ANKRD55: variants seen among roughly 807,000 people sequenced by gnomAD.
ANKRD55 encodes ankyrin repeat domain 55, also known as ankyrin repeat domain-containing protein 55.
A neutral mutation model predicts 60.6 loss-of-function variants in ANKRD55; 41 were observed. The observed-to-expected ratio is 0.68, with a 90% CI of 0.53 to 0.88. The LOEUF is 0.88. Among genes scored for constraint, ANKRD55 ranks in the 40% least tolerant of loss-of-function variants. The pLI, the probability that ANKRD55 is intolerant of heterozygous loss-of-function variation, is 0.00. For missense variants in ANKRD55, 732 were observed against 767.6 expected, an observed-to-expected ratio of 0.95 and a Z score of 0.55; for synonymous variants, 264 against 290.3, an observed-to-expected ratio of 0.91 and a Z score of 0.92.
intron 5 of ANKRD55, among the ~76,000 whole-genome samples, chr5:56,165,182 A>G (rs1758418327): frequency 6.6e-6 from 1 of 152,226 alleles, no homozygotes; most frequent in Non-Finnish European, 1.5e-5. Context: ...TGGCCTGTAC[A>G]TACTGTTTAT....
chr5:56,229,777 C>T (rs73118090), intron 2 of ANKRD55, among the ~76,000 whole-genome samples: 3,800 of 152,330 alleles, frequency 0.025, 163 homozygotes, highest in African/African-American at 0.085. Flanking sequence ...AGAGTCAGTG[C>T]TAGGCCAGGG....
At chr5:56,217,757 G>T (rs193176320) in intron 2 of ANKRD55, among the ~76,000 whole-genome samples, 1 of 152,044 alleles carries the variant, frequency 6.6e-6, no homozygotes, top group African/African-American at 2.4e-5. Flanking sequence ...TTAGCCGGGC[G>T]TGGTGGGGGG....
intron 2 of ANKRD55, among the ~76,000 whole-genome samples, chr5:56,205,974 G>GTTTTTT (rs367698877): frequency 7.4e-6 from 1 of 134,960 alleles, no homozygotes; most frequent in African/African-American, 2.8e-5. Flanking sequence ...TTTCTTTCTT[G>GTTTTTT]TTTTTTTTTT....
At chr5:56,192,662 A>G in intron 2 of ANKRD55, 1 of 1,079,598 alleles carries the variant, frequency 9.3e-7, no homozygotes. Flanking sequence ...TGACACCCAG[A>G]CTAATGTTCT....
chr5:56,102,213 C>T (rs1464730500), intron 11 of ANKRD55, among the ~76,000 whole-genome samples: 1 of 151,566 alleles, frequency 6.6e-6, no homozygotes, highest in Non-Finnish European at 1.5e-5. Flanking sequence ...ATGGCAAAAC[C>T]CCATCTCTAC....
In ANKRD55 at chr5:56,135,250, CCTTCCTTCCTTCTT is replaced by C. The variant is rs1561263723; in HGVS notation, c.613-8158_613-8145del. 2.0e-3 allele frequency among the ~76,000 whole-genome samples: 282 copies of C among 138,234 alleles called. 9 individuals carry two copies. The highest frequency in any genetic ancestry group is 6.4e-3 in the African/African-American group (222 of 34,736). The allele number at this position is 138,234 out of a possible 152,430, so 90.7% of individuals were successfully genotyped here. A position where few individuals can be genotyped will look rare whatever the true frequency, so the allele number is the denominator to read the frequency against. Reference sequence around the variant, plus strand: ...TCCTTCCTTCCTTCCTTCCTTCCTTCCTTCCTTCCTTCTTTCCCTCCCTCCCTCCCTGCCTGCCT... The same window carrying C: ...TCCTTCCTTCCTTCCTTCCTTCCTTCTCCCTCCCTCCCTCCCTGCCTGCCT... On this transcript the variant is annotated intron_variant, in intron 7 of 11. Transcript: ENST00000341048.
Position 56,151,924 on chromosome 5 carries a change from T to C in ANKRD55, c.483+7909A>G, listed in dbSNP as rs1489126556. ...ATATGTGTGTATATACACATATATG[T>C]ATATATGTATATATGTGTGTGTATA... On this transcript the variant is annotated intron_variant, in intron 6 of 11. Coordinates refer to ENST00000341048, the MANE Select transcript of ANKRD55 (RefSeq NM_024669.3). Among the ~76,000 whole-genome samples the C allele has an allele frequency of 2.3e-5, 3 of 131,962 alleles. No individual in the cohort carries two copies. The Admixed American group carries it at 2.4e-4, about 10-fold the overall frequency. The allele number at this position is 131,962 out of a possible 152,430, so 86.6% of individuals were successfully genotyped here.
At chr5:56,174,271 GCT>G (rs1758687670) in intron 4 of ANKRD55, among the ~76,000 whole-genome samples, 1 of 152,272 alleles carries the variant, frequency 6.6e-6, no homozygotes, top group African/African-American at 2.4e-5. Flanking sequence ...CCCTTGCATA[GCT>G]CTCTAGTCAA....
chr5:56,187,186 A>G (rs1421175883), intron 2 of ANKRD55, among the ~76,000 whole-genome samples: 3 of 152,228 alleles, frequency 2.0e-5, no homozygotes, highest in African/African-American at 7.2e-5. Flanking sequence ...GACCAGCTGG[A>G]TGTCCTAGGC....
At position 56,226,281 on chromosome 5, in the gene ANKRD55, G is replaced by T. The variant is rs557537015; in HGVS notation, c.58+6575C>A. Among the ~76,000 whole-genome samples, 35 of 152,302 alleles carry T rather than the reference G, an allele frequency of 2.3e-4. 1 individual carries two copies. In the South Asian group the frequency reaches 7.0e-3, roughly 31 times the overall value. On this transcript the variant is annotated intron_variant, in intron 2 of 11. Transcript: ENST00000341048. Reference sequence around the variant, plus strand: ...TGCTGGGAAAACTGGCTAGCCATATGTAGAAAGCTGACACTGGATCCCTTC... The same window carrying T: ...TGCTGGGAAAACTGGCTAGCCATATTTAGAAAGCTGACACTGGATCCCTTC...
rs1758279072 is a variant in ANKRD55 at position 56,159,756 on chromosome 5, G to A, written c.483+77C>T. ...GTCTCCCCGTAGCTTTTAAGAGGAA[G>A]CACAATGGTTCAGAAACGCCCTTCC... is the stretch of plus-strand genomic sequence containing the variant. On this transcript the variant is annotated intron_variant, in intron 6 of 11. Transcript: ENST00000341048. 5 of 1,432,822 alleles carry A rather than the reference G, an allele frequency of 3.5e-6. No individual in the cohort carries two copies. The East Asian group carries it at 1.1e-4, about 33-fold the overall frequency. 88.8% of individuals were successfully genotyped at this position (1,432,822 alleles called of 1,614,324 possible). A position where few individuals can be genotyped will look rare whatever the true frequency, so the allele number is the denominator to read the frequency against.
intron 2 of ANKRD55, among the ~76,000 whole-genome samples, chr5:56,219,402 C>T (rs1759908262): frequency 6.6e-6 from 1 of 152,020 alleles, no homozygotes; most frequent in African/African-American, 2.4e-5. Flanking sequence ...GAATGACTTC[C>T]CTTCTCTTCC....
At chr5:56,195,691 A>G (rs1279787861) in intron 2 of ANKRD55, among the ~76,000 whole-genome samples, 1 of 152,036 alleles carries the variant, frequency 6.6e-6, no homozygotes, top group Non-Finnish European at 1.5e-5. Flanking sequence ...TGATCTACCC[A>G]TCTCCGCCTC....
In ANKRD55 at chr5:56,102,605, G is replaced by A. The variant is rs1204252481; in HGVS notation, c.1631-19C>T. The A allele has an allele frequency of 6.3e-7, 1 of 1,580,302 alleles. No homozygotes were observed. The highest frequency in any genetic ancestry group is 1.1e-5 in the South Asian group (1 of 90,196). On this transcript the variant is annotated intron_variant, in intron 10 of 11. Transcript: ENST00000341048. ...TTTTGTCCTGAAGATAAACATATTTGCATCAATTACTTGAGACTCAACCAA... is the reference window on the plus strand; with the variant it reads ...TTTTGTCCTGAAGATAAACATATTTACATCAATTACTTGAGACTCAACCAA...
chr5:56,166,097 T>TCTTTCTTC (rs1444693501), intron 5 of ANKRD55, among the ~76,000 whole-genome samples: 1 of 27,918 alleles, frequency 3.6e-5, no homozygotes, highest in East Asian at 4.2e-4. Flanking sequence ...TTTCTTTCTT[T>TCTTTCTTC]CTTTCTTTCT....
chr5:56,168,183 T>A (rs1456067682), intron 5 of ANKRD55, among the ~76,000 whole-genome samples: 2 of 152,252 alleles, frequency 1.3e-5, no homozygotes, highest in Non-Finnish European at 2.9e-5. Context: ...ATTTGCAGGC[T>A]GAGGTTTTAA....
intron 5 of ANKRD55, among the ~76,000 whole-genome samples, chr5:56,165,473 CATT>C (rs1758424978): frequency 6.6e-6 from 1 of 152,176 alleles, no homozygotes; most frequent in African/African-American, 2.4e-5. Context: ...TCATCATCAT[CATT>C]GATGACCATC....
chr5:56,159,978 A>C, intron 5 of ANKRD55, 85 bp from the exon 6 acceptor site: 1 of 1,195,486 alleles, frequency 8.4e-7, no homozygotes, highest in Non-Finnish European at 1.2e-6. Flanking sequence ...TGACCTTAGA[A>C]AAACCGTCAG....
At chr5:56,213,041 G>A (rs1759714178) in intron 2 of ANKRD55, among the ~76,000 whole-genome samples, 1 of 152,062 alleles carries the variant, frequency 6.6e-6, no homozygotes, top group Non-Finnish European at 1.5e-5. Context: ...AGACTAAGAT[G>A]CCTTCTGGAT....
Sources: gnomAD v4.1 joint callset for allele counts (sites outside exome capture counted in the v4.1 genomes callset) on GRCh38, gnomAD v4.1.1 for gene constraint, MANE v1.5 for transcripts, NCBI Gene and HGNC (gene_info 2026-07-23, HGNC 2026-07-21) for gene names.